Variants in C12orf42 observed in about 807,000 individuals in gnomAD.
The protein encoded by C12orf42 is chromosome 12 open reading frame 42, also known as uncharacterized protein C12orf42.
In C12orf42, 25 loss-of-function variants were observed where a neutral mutation model predicts 21.6. The ratio of observed to expected loss-of-function variants is 1.16; its 90% CI spans 0.84 to 1.62. The LOEUF is 1.62. Among genes scored for constraint, C12orf42 ranks in the 40% most tolerant of loss-of-function variants. The probability of loss-of-function intolerance (pLI) is 0.00; values close to 1 mark genes in which losing one functional copy is unlikely to be tolerated. For missense variants in C12orf42, 483 were observed against 459.3 expected (o/e 1.05, Z -0.47); for synonymous variants, 174 against 175.0 (o/e 0.99, Z 0.05).
chr12:103,058,468 CT>C, the C12orf42 span, among the ~76,000 whole-genome samples: 1 of 152,180 alleles, frequency 6.6e-6, no homozygotes, highest in South Asian at 2.1e-4. Flanking sequence ...TTGAACTCAG[CT>C]CTGGATCAAG....
At chr12:103,244,247 A>C (rs2033902739) in intron 10 of C12orf42, among the ~76,000 whole-genome samples, 1 of 152,104 alleles carries the variant, frequency 6.6e-6, no homozygotes, top group South Asian at 2.1e-4. Flanking sequence ...GGCTGATGTC[A>C]ACCTAACAAG....
At chr12:103,323,267 G>A (rs930726005) in intron 4 of C12orf42, among the ~76,000 whole-genome samples, 3 of 152,070 alleles carry the variant, frequency 2.0e-5, no homozygotes, top group South Asian at 2.1e-4. Flanking sequence ...TCTGACTTAC[G>A]GCAACCCATG....
chr12:103,249,776 A>C (rs1338503698), intron 10 of C12orf42, among the ~76,000 whole-genome samples: 1 of 152,122 alleles, frequency 6.6e-6, no homozygotes, highest in Non-Finnish European at 1.5e-5. Context: ...TTATGTTATC[A>C]TGCTGAAAGA....
At chr12:103,053,762 G>A in the C12orf42 span, among the ~76,000 whole-genome samples, 22 of 151,922 alleles carry the variant, frequency 1.4e-4, no homozygotes, top group African/African-American at 5.1e-4. Flanking sequence ...TCTGTTTTAA[G>A]TTAAATTTTG....
intron 4 of C12orf42, among the ~76,000 whole-genome samples, chr12:103,332,184 G>T (rs2041294168): frequency 6.6e-6 from 1 of 152,246 alleles, no homozygotes; most frequent in South Asian, 2.1e-4. Context: ...CAGGGATCTG[G>T]ACTTAGCACT....
At chr12:103,558,660 T>A in the C12orf42 span, 1 of 152,228 alleles carries the variant, frequency 6.6e-6, no homozygotes. Context: ...AGGTTTTTGT[T>A]TATTTACTCA....
intron 4 of C12orf42, among the ~76,000 whole-genome samples, chr12:103,292,905 T>C (rs940537148): frequency 6.6e-6 from 1 of 152,154 alleles, no homozygotes; most frequent in East Asian, 1.9e-4. Flanking sequence ...ATAATTATGA[T>C]TGACAAATAT....
chr12:103,198,413 A>G, the C12orf42 span, among the ~76,000 whole-genome samples: 4 of 152,080 alleles, frequency 2.6e-5, no homozygotes, highest in Non-Finnish European at 5.9e-5. Context: ...TGGTGCTCAG[A>G]CCAGACTGAC....
chr12:103,264,941 T>C (rs543065696), downstream of C12orf42, among the ~76,000 whole-genome samples: 195 of 152,266 alleles, frequency 1.3e-3, 3 homozygotes, highest in African/African-American at 3.8e-3. Flanking sequence ...TAGACTCCTA[T>C]AGCAAAGTGC....
chr12:103,262,414 G>A (rs1372806500), intron 10 of C12orf42: 1 of 152,106 alleles, frequency 6.6e-6, no homozygotes, highest in Non-Finnish European at 1.5e-5. Context: ...CATTGCATAC[G>A]GTTTAATTCC....
In C12orf42 at chr12:103,302,462, C is replaced by T. The variant is rs199947695; in HGVS notation, c.729G>A (p.Glu243=). 142 of 1,613,810 alleles carry T rather than the reference C, an allele frequency of 8.8e-5. No individual in the cohort carries two copies. The highest frequency in any genetic ancestry group is 6.6e-4 in the Middle Eastern group (4 of 6,056). ...CTGGGACTGCCATCCTCTCCTCCGG[C>T]TCGAGCTCTGTGTTACTCGGGCCGG... ...QSTGPSNTEL[E]PEERMAVPAG... The change falls in exon 6 of 6, where the codon GAG becomes GAA. Residue 243 remains glutamate (E), a synonymous_variant. Coordinates refer to ENST00000548883, the MANE Select transcript of C12orf42 (RefSeq NM_198521.5).
the C12orf42 span, among the ~76,000 whole-genome samples, chr12:103,540,610 G>A: frequency 2.0e-5 from 3 of 152,030 alleles, no homozygotes; most frequent in Non-Finnish European, 2.9e-5. Context: ...TATTGCAACC[G>A]CAGCTTTCCT....
At chr12:103,367,986 T>C in intron 4 of C12orf42, 1 of 1,036,946 alleles carries the variant, frequency 9.6e-7, no homozygotes, top group Non-Finnish European at 1.3e-6. Context: ...AATAATGCGT[T>C]GTTCAAATGA....
the C12orf42 span, among the ~76,000 whole-genome samples, chr12:103,061,171 G>A: frequency 6.6e-6 from 1 of 152,032 alleles, no homozygotes; most frequent in Non-Finnish European, 1.5e-5. Flanking sequence ...AGGTAGGAGT[G>A]TCTCATTACT....
intron 2 of C12orf42, among the ~76,000 whole-genome samples, chr12:103,412,963 T>A (rs1308147522): frequency 6.6e-6 from 1 of 152,358 alleles, no homozygotes; most frequent in East Asian, 1.9e-4. Flanking sequence ...TTTAGTTTAA[T>A]TAGGTCCCAC....
intron 2 of C12orf42, among the ~76,000 whole-genome samples, chr12:103,406,648 A>G (rs2048447442): frequency 6.6e-6 from 1 of 152,202 alleles, no homozygotes; most frequent in Non-Finnish European, 1.5e-5. Flanking sequence ...ACAAAAATAA[A>G]TGAAGCATAA....
At chr12:103,308,843 C>G (rs2038648810) in intron 4 of C12orf42, among the ~76,000 whole-genome samples, 1 of 152,052 alleles carries the variant, frequency 6.6e-6, no homozygotes, top group Admixed American at 6.6e-5. Context: ...TGACTGGTGT[C>G]CTAATAAGAA....
At chr12:103,548,819 G>A in the C12orf42 span, 2 of 152,154 alleles carry the variant, frequency 1.3e-5, no homozygotes, top group East Asian at 1.9e-4. Context: ...CTGCCACCTC[G>A]TGGTGGGCAT....
the C12orf42 span, among the ~76,000 whole-genome samples, chr12:103,502,392 A>G: frequency 1.3e-5 from 2 of 152,272 alleles, no homozygotes; most frequent in Admixed American, 6.5e-5. Context: ...ATTGTAATGA[A>G]ATGCAAGCTC....
Sources: gnomAD v4.1 joint callset for allele counts (sites outside exome capture counted in the v4.1 genomes callset) on GRCh38, gnomAD v4.1.1 for gene constraint, MANE v1.5 for transcripts, NCBI Gene and HGNC (gene_info 2026-07-23, HGNC 2026-07-21) for gene names.